The following LHFPL3 variants were observed in gnomAD, a reference collection of about 807,000 sequenced individuals.
The protein encoded by LHFPL3 is LHFPL tetraspan subfamily member 3 protein.
LHFPL3 carries 5 observed loss-of-function variants against 19.3 expected under a neutral mutation model. The observed-to-expected ratio is 0.26, with a 90% CI of 0.14 to 0.54. The LOEUF is 0.54. Ranked by LOEUF, LHFPL3 falls within the 20% of genes least tolerant of loss-of-function variation. LHFPL3 has a pLI of 0.94. For synonymous variants in LHFPL3, 133 were observed against 126.2 expected (o/e 1.05, Z -0.36); for missense variants, 249 against 307.4 (o/e 0.81, Z 1.42).
intron 1 of LHFPL3, among the ~76,000 whole-genome samples, chr7:104,483,525 A>T (rs1793177845): frequency 6.6e-6 from 1 of 152,250 alleles, no homozygotes. Flanking sequence ...AAAAGTAAAT[A>T]CATGGGTAAG....
At chr7:104,394,606 T>C (rs1432165010) in intron 1 of LHFPL3, among the ~76,000 whole-genome samples, 1 of 152,174 alleles carries the variant, frequency 6.6e-6, no homozygotes, top group African/African-American at 2.4e-5. Context: ...AATGTAAATA[T>C]ATACACATCA....
rs890724918 is a variant in LHFPL3 at position 104,558,764 on chromosome 7, T to A, written c.446-177911T>A. 6.3e-3 allele frequency among the ~76,000 whole-genome samples: 941 copies of A among 148,552 alleles called. 34 individuals carry two copies. In the East Asian group the frequency reaches 0.082, roughly 13 times the overall value. On this transcript the variant is annotated intron_variant, in intron 1 of 2. Transcript: ENST00000424859. ...CATGAAGTCCTTGCCCATGCCTATG[T>A]CCTGAATGGTATTGCCTAGGTTTTC...
chr7:104,902,564 A>T (rs1372880681), intron 2 of LHFPL3, among the ~76,000 whole-genome samples: 4 of 152,080 alleles, frequency 2.6e-5, no homozygotes, highest in Non-Finnish European at 5.9e-5. Flanking sequence ...AGGTGGGTGG[A>T]TCACCTGAGC....
chr7:104,885,866 G>A (rs937327319), intron 2 of LHFPL3, among the ~76,000 whole-genome samples: 3 of 151,502 alleles, frequency 2.0e-5, no homozygotes, highest in South Asian at 2.1e-4. Context: ...TATATTGCCC[G>A]GTTCACCCTG....
intron 1 of LHFPL3, among the ~76,000 whole-genome samples, chr7:104,695,941 T>C (rs1792988269): frequency 6.6e-6 from 1 of 152,158 alleles, no homozygotes; most frequent in South Asian, 2.1e-4. Context: ...TGTTGTTTTT[T>C]TGTTTTGTTT....
chr7:104,500,723 A>C (rs1364758477), intron 1 of LHFPL3, among the ~76,000 whole-genome samples: 1 of 152,168 alleles, frequency 6.6e-6, no homozygotes, highest in African/African-American at 2.4e-5. Context: ...CTAAACACAA[A>C]TCAGATTATT....
At chr7:104,578,014 C>T (rs1054110757) in intron 1 of LHFPL3, among the ~76,000 whole-genome samples, 1 of 152,074 alleles carries the variant, frequency 6.6e-6, no homozygotes, top group Non-Finnish European at 1.5e-5. Context: ...TCTTGTGTTG[C>T]GGCATGTATA....
chr7:104,642,407 C>T (rs762697847), intron 1 of LHFPL3, among the ~76,000 whole-genome samples: 2 of 152,144 alleles, frequency 1.3e-5, no homozygotes, highest in Admixed American at 6.5e-5. Context: ...ACCAACATAA[C>T]TTCCAAGATT....
intron 1 of LHFPL3, among the ~76,000 whole-genome samples, chr7:104,619,436 T>G (rs576483087): frequency 1.3e-5 from 2 of 152,222 alleles, no homozygotes; most frequent in African/African-American, 4.8e-5. Context: ...TTTTCTTTTT[T>G]TTCAGAATTT....
At chr7:104,352,670 C>T (rs753249475) in intron 1 of LHFPL3, among the ~76,000 whole-genome samples, 6 of 152,200 alleles carry the variant, frequency 3.9e-5, no homozygotes, top group African/African-American at 9.7e-5. Context: ...CTGTTTACCA[C>T]GAGCATTTTG....
chr7:104,473,108 T>A (rs1792942607), intron 1 of LHFPL3, among the ~76,000 whole-genome samples: 1 of 152,206 alleles, frequency 6.6e-6, no homozygotes, highest in East Asian at 1.9e-4. Context: ...TTCAAACAAA[T>A]GGCTCAGCAT....
At chr7:104,475,986 AT>A in intron 1 of LHFPL3, among the ~76,000 whole-genome samples, 1 of 137,988 alleles carries the variant, frequency 7.2e-6, no homozygotes. Flanking sequence ...TTTAGAAATG[AT>A]TTTTCTTCTT....
chr7:104,614,732 T>C (rs1020373873), intron 1 of LHFPL3, among the ~76,000 whole-genome samples: 1 of 141,674 alleles, frequency 7.1e-6, no homozygotes, highest in East Asian at 2.1e-4. Context: ...TCTTTCTTTC[T>C]TTCTTTCTCT....
chr7:104,715,959 A>G (rs1325852264), intron 1 of LHFPL3, among the ~76,000 whole-genome samples: 2 of 152,142 alleles, frequency 1.3e-5, no homozygotes, highest in Non-Finnish European at 1.5e-5. Flanking sequence ...TAAGTTTGAG[A>G]AGGATTAGGC....
chr7:104,621,093 T>C (rs1016224800), intron 1 of LHFPL3, among the ~76,000 whole-genome samples: 3 of 152,216 alleles, frequency 2.0e-5, no homozygotes, highest in Non-Finnish European at 2.9e-5. Context: ...TTCAAGAGTT[T>C]CTTTACCTTT....
intron 2 of LHFPL3, among the ~76,000 whole-genome samples, chr7:104,817,570 CT>C (rs1790579745): frequency 6.6e-6 from 1 of 152,204 alleles, no homozygotes; most frequent in Non-Finnish European, 1.5e-5. Context: ...GTTCATCTCT[CT>C]CACACTGGTA....
chr7:104,739,531 C>T lies in LHFPL3; in HGVS notation c.682+2620C>T, dbSNP rs1257454660. 2.0e-5 allele frequency among the ~76,000 whole-genome samples: 3 copies of T among 152,040 alleles called. No individual in the cohort carries two copies. The East Asian group carries it at 5.8e-4, about 29-fold the overall frequency. ...GTAATTAATTATATATAAATGGGTG[C>T]TTTTACAAATTGCATGGATGCATTG... On this transcript the variant is annotated intron_variant, in intron 2 of 2. Coordinates refer to ENST00000424859, the MANE Select transcript of LHFPL3 (RefSeq NM_199000.3).
At chr7:104,892,296 T>C (rs1792264104) in intron 2 of LHFPL3, among the ~76,000 whole-genome samples, 1 of 152,198 alleles carries the variant, frequency 6.6e-6, no homozygotes, top group Non-Finnish European at 1.5e-5. Flanking sequence ...TTCCAAGGAA[T>C]TTAATTTTCA....
At chr7:104,424,904 C>T (rs1791809064) in intron 1 of LHFPL3, among the ~76,000 whole-genome samples, 1 of 147,504 alleles carries the variant, frequency 6.8e-6, no homozygotes, top group Non-Finnish European at 1.5e-5. Context: ...ATGGCGTGAA[C>T]CCGGGAGGAA....
Sources: gnomAD v4.1 joint callset for allele counts (sites outside exome capture counted in the v4.1 genomes callset) on GRCh38, gnomAD v4.1.1 for gene constraint, MANE v1.5 for transcripts, NCBI Gene and HGNC (gene_info 2026-07-23, HGNC 2026-07-21) for gene names.